The following IFT70A variants were observed in gnomAD, a reference collection of about 807,000 sequenced individuals.
IFT70A encodes intraflagellar transport 70A.
the IFT70A span, chr2:177,618,246 A>G: frequency 2.4e-4 from 385 of 1,614,154 alleles, 1 homozygote; most frequent in East Asian, 6.0e-3. Context: ...CATCGGTCTC[A>G]TTGTCGCCTC....
chr2:177,616,141 AAAAGG>A, the IFT70A span: 1 of 152,262 alleles, frequency 6.6e-6, no homozygotes, highest in Admixed American at 6.5e-5. Context: ...TTGTACTTCT[AAAAGG>A]GCTTAGAGGT....
chr2:177,617,139 C>T, the IFT70A span: 2 of 1,608,368 alleles, frequency 1.2e-6, no homozygotes, highest in Non-Finnish European at 1.7e-6. Flanking sequence ...CAATCTTCCT[C>T]ATCAACTCCT....
chr2:177,615,783 A>G, the IFT70A span: 55 of 152,282 alleles, frequency 3.6e-4, no homozygotes, highest in Non-Finnish European at 6.2e-4. Flanking sequence ...GTGAAATCCC[A>G]AAGAATAAAG....
chr2:177,618,120 C>T, the IFT70A span: 2 of 1,614,224 alleles, frequency 1.2e-6, no homozygotes, highest in African/African-American at 1.3e-5. Flanking sequence ...AGGCCAAAGC[C>T]AGGTTGTAGG....
chr2:177,616,790 T>C, the IFT70A span: 1 of 1,594,648 alleles, frequency 6.3e-7, no homozygotes, highest in Non-Finnish European at 8.5e-7. Context: ...ACATGCATTC[T>C]TTCTTCTTCG....
the IFT70A span, chr2:177,616,903 T>C: frequency 6.3e-7 from 1 of 1,594,280 alleles, no homozygotes; most frequent in Non-Finnish European, 8.5e-7. Flanking sequence ...GACTATCATG[T>C]GTTTTGACAT....
chr2:177,614,974 A>C, the IFT70A span: 1 of 152,170 alleles, frequency 6.6e-6, no homozygotes, highest in African/African-American at 2.4e-5. Context: ...ATGAGGACTG[A>C]TGATTTGATT....
chr2:177,617,559 C>G, the IFT70A span: 1 of 1,614,128 alleles, frequency 6.2e-7, no homozygotes, highest in African/African-American at 1.3e-5. Flanking sequence ...TCCCTGCTAG[C>G]CCATCAAGCT....
the IFT70A span, chr2:177,617,083 A>G: frequency 3.7e-6 from 6 of 1,613,572 alleles, no homozygotes; most frequent in Admixed American, 1.7e-5. Context: ...GAGATGGTAC[A>G]TTTTCCGATT....
At chr2:177,617,692 T>C in the IFT70A span, 1 of 1,614,170 alleles carries the variant, frequency 6.2e-7, no homozygotes, top group Non-Finnish European at 8.5e-7. Context: ...TGCTGCCAGG[T>C]CAAAATACTC....
the IFT70A span, chr2:177,616,985 G>A: frequency 6.2e-7 from 1 of 1,612,968 alleles, no homozygotes; most frequent in Non-Finnish European, 8.5e-7. Context: ...TTATTATAAG[G>A]CTCCAAGCTT....
At chr2:177,615,915 A>T in the IFT70A span, 1 of 152,150 alleles carries the variant, frequency 6.6e-6, no homozygotes, top group Non-Finnish European at 1.5e-5. Context: ...TTCAGTTTTT[A>T]AAAAACCAAA....
the IFT70A span, chr2:177,615,742 A>T: frequency 1.3e-5 from 2 of 152,168 alleles, no homozygotes; most frequent in African/African-American, 4.8e-5. Flanking sequence ...GCTAAAAGTA[A>T]TTGTAAAGGC....
At chr2:177,618,234 G>A in the IFT70A span, 2 of 1,614,102 alleles carry the variant, frequency 1.2e-6, no homozygotes, top group East Asian at 2.2e-5. Flanking sequence ...GGTTGACCTG[G>A]CCATCGGTCT....
the IFT70A span, chr2:177,615,756 T>A: frequency 6.6e-6 from 1 of 152,144 alleles, no homozygotes; most frequent in Non-Finnish European, 1.5e-5. Context: ...TAAAGGCTTC[T>A]GATAGTTCAA....
chr2:177,618,178 G>A, the IFT70A span: 3 of 1,614,258 alleles, frequency 1.9e-6, no homozygotes, highest in Non-Finnish European at 1.7e-6. Flanking sequence ...AGAAAACTTG[G>A]AGCATGCAGC....
chr2:177,617,956 G>C, the IFT70A span: 10 of 1,614,052 alleles, frequency 6.2e-6, no homozygotes, highest in African/African-American at 1.3e-4. Flanking sequence ...TTCCACCAGA[G>C]CAGTCTGATG....
At chr2:177,616,712 T>A in the IFT70A span, 2 of 1,520,866 alleles carry the variant, frequency 1.3e-6, no homozygotes, top group Non-Finnish European at 1.7e-6. Flanking sequence ...AACTACTTAT[T>A]CCATCCTATA....
chr2:177,616,991 A>G, the IFT70A span: 2 of 1,613,176 alleles, frequency 1.2e-6, no homozygotes, highest in East Asian at 2.2e-5. Flanking sequence ...TAAGGCTCCA[A>G]GCTTTTGATA....
Sources: allele counts gnomAD v4.1 joint callset, GRCh38; gene constraint gnomAD v4.1.1; transcripts MANE v1.5; gene names NCBI Gene and HGNC (gene_info 2026-07-23, HGNC 2026-07-21).